The following CDH12 variants were observed in gnomAD, a reference collection of about 807,000 sequenced individuals.
CDH12 encodes the protein cadherin 12, also known as cadherin-12.
A neutral mutation model predicts 74.1 loss-of-function variants in CDH12; 41 were observed. The observed-to-expected ratio is 0.55, with a 90% CI of 0.43 to 0.72. CDH12 has a LOEUF of 0.72. CDH12 is among the 30% of genes least tolerant of loss of function. CDH12 has a pLI of 0.00. For synonymous variants in CDH12, 399 were observed against 355.0 expected, an observed-to-expected ratio of 1.12 and a Z score of -1.39; for missense variants, 945 against 977.2, an observed-to-expected ratio of 0.97 and a Z score of 0.44.
At chr5:21,880,649 TTCTTTCTTTCTTTCTTTCTTTC>T (rs1372529602) in intron 6 of CDH12, among the ~76,000 whole-genome samples, 1 of 129,436 alleles carries the variant, frequency 7.7e-6, no homozygotes, top group Non-Finnish European at 1.7e-5. Context: ...CTTTCTTTCT[TTCTTTCTTTCTTTCTTTCTTTC>T]TTTCTTTCTT....
At chr5:22,649,108 A>C (rs1739590656) in intron 1 of CDH12, among the ~76,000 whole-genome samples, 2 of 151,980 alleles carry the variant, frequency 1.3e-5, no homozygotes, top group South Asian at 4.1e-4. Flanking sequence ...ACTGTCAAAA[A>C]AGGTAGGAGG....
At chr5:22,400,990 A>G (rs77234120) in intron 3 of CDH12, among the ~76,000 whole-genome samples, 6,165 of 152,234 alleles carry the variant, frequency 0.04, 433 homozygotes, top group African/African-American at 0.14. Flanking sequence ...ATCACATTGT[A>G]CTCAACTTCT....
intron 1 of CDH12, among the ~76,000 whole-genome samples, chr5:22,598,947 G>A (rs932785311): frequency 4.6e-5 from 7 of 152,136 alleles, no homozygotes; most frequent in Non-Finnish European, 1.0e-4. Flanking sequence ...GACTGAGTCA[G>A]TATTCTAAGT....
At chr5:22,565,654 T>C (rs1228769995) in intron 1 of CDH12, among the ~76,000 whole-genome samples, 1 of 151,846 alleles carries the variant, frequency 6.6e-6, no homozygotes, top group African/African-American at 2.4e-5. Flanking sequence ...CTCTTGGGGG[T>C]ATTTGCCTAT....
At chr5:22,442,983 T>C (rs555778369) in intron 2 of CDH12, among the ~76,000 whole-genome samples, 1 of 152,130 alleles carries the variant, frequency 6.6e-6, no homozygotes, top group Non-Finnish European at 1.5e-5. Flanking sequence ...TTCCTCAGTC[T>C]GGTAATAGCA....
At chr5:22,223,944 G>C (rs1752102692) in intron 3 of CDH12, among the ~76,000 whole-genome samples, 1 of 151,984 alleles carries the variant, frequency 6.6e-6, no homozygotes, top group Non-Finnish European at 1.5e-5. Flanking sequence ...ATGTATCACT[G>C]TCACTGAGCA....
intron 6 of CDH12, among the ~76,000 whole-genome samples, chr5:21,960,287 T>C (rs1756298102): frequency 6.6e-6 from 1 of 152,180 alleles, no homozygotes; most frequent in South Asian, 2.1e-4. Flanking sequence ...ACATAATGCC[T>C]TTCTTTTCAG....
chr5:22,354,958 G>A (rs913070658), intron 3 of CDH12, among the ~76,000 whole-genome samples: 1 of 151,984 alleles, frequency 6.6e-6, no homozygotes, highest in Non-Finnish European at 1.5e-5. Context: ...AAATTTAACC[G>A]AATTGACTAG....
At chr5:21,774,023 A>G (rs1365988137) in intron 11 of CDH12, among the ~76,000 whole-genome samples, 2 of 152,104 alleles carry the variant, frequency 1.3e-5, no homozygotes, top group Non-Finnish European at 2.9e-5. Context: ...TGTGGGTTCA[A>G]GTTGACAAAG....
chr5:21,863,294 A>G (rs1751151082), intron 6 of CDH12, among the ~76,000 whole-genome samples: 1 of 152,056 alleles, frequency 6.6e-6, no homozygotes, highest in African/African-American at 2.4e-5. Flanking sequence ...CATTTGCCTC[A>G]CCGTTGATGT....
intron 3 of CDH12, among the ~76,000 whole-genome samples, chr5:22,348,350 A>C (rs1021283846): frequency 1.3e-5 from 2 of 152,230 alleles, no homozygotes; most frequent in Non-Finnish European, 2.9e-5. Flanking sequence ...GTGTATCCTA[A>C]GCTCCATTTA....
intron 4 of CDH12, among the ~76,000 whole-genome samples, chr5:22,153,536 G>T (rs1254690120): frequency 6.6e-6 from 1 of 150,892 alleles, no homozygotes; most frequent in Non-Finnish European, 1.5e-5. Flanking sequence ...TTTGTATTTT[G>T]GATTTGAAAC....
intron 6 of CDH12, among the ~76,000 whole-genome samples, chr5:21,916,302 T>A (rs1754090747): frequency 6.6e-6 from 1 of 152,138 alleles, no homozygotes; most frequent in Non-Finnish European, 1.5e-5. Context: ...ATTAGGAACT[T>A]AAGGTAAGTT....
chr5:22,097,188 T>C (rs1026668609), intron 4 of CDH12, among the ~76,000 whole-genome samples: 8 of 152,104 alleles, frequency 5.3e-5, no homozygotes, highest in African/African-American at 1.9e-4. Flanking sequence ...CTGTGTCCCA[T>C]CTGTGTAGGA....
intron 5 of CDH12, among the ~76,000 whole-genome samples, chr5:22,066,764 A>G (rs1741591523): frequency 6.6e-6 from 1 of 152,184 alleles, no homozygotes; most frequent in African/African-American, 2.4e-5. Flanking sequence ...CCATCACCAA[A>G]GATGAAATAT....
chr5:22,257,318 TTAAAA>T (rs1457951192), intron 3 of CDH12, among the ~76,000 whole-genome samples: 2 of 151,882 alleles, frequency 1.3e-5, no homozygotes, highest in Admixed American at 6.6e-5. Context: ...ATCCCTGAAC[TTAAAA>T]TAAAAGTTAA....
At position 21,751,609 on chromosome 5, in the gene CDH12, AGTGT is replaced by A. The variant is rs1554025827; in HGVS notation, c.*124_*127del. On this transcript the variant is annotated 3_prime_UTR_variant, in exon 15 of 15. Transcript: ENST00000382254. ...GGTAATCAAAGGAATCTTGTCCCAG[AGTGT>A]GTGTGTGTGTGTGTGTGTTTGTGTG... is the stretch of plus-strand genomic sequence containing the variant. 0.2 allele frequency: 110,815 copies of A among 551,662 alleles called. 5,390 individuals are homozygous for A. Among genetic ancestry groups the A allele is most frequent in the East Asian group, 0.36 (11,888 of 33,196 alleles). The allele number at this position is 551,662 out of a possible 1,614,324, so 34.2% of individuals were successfully genotyped here.
chr5:22,060,692 T>C (rs1402724969), intron 5 of CDH12, among the ~76,000 whole-genome samples: 2 of 152,146 alleles, frequency 1.3e-5, no homozygotes, highest in African/African-American at 4.8e-5. Context: ...GAGGGTTTTG[T>C]ATAGAAAGCC....
chr5:22,202,193 T>TCCTC (rs1278335955), intron 4 of CDH12, among the ~76,000 whole-genome samples: 4 of 127,388 alleles, frequency 3.1e-5, no homozygotes, highest in Admixed American at 2.7e-4. Context: ...CTTCCTTCCT[T>TCCTC]CCTTCCTTCT....
Sources: gnomAD v4.1 joint callset for allele counts (sites outside exome capture counted in the v4.1 genomes callset) on GRCh38, gnomAD v4.1.1 for gene constraint, MANE v1.5 for transcripts, NCBI Gene and HGNC (gene_info 2026-07-23, HGNC 2026-07-21) for gene names.